PEX1: variants seen among roughly 807,000 people sequenced by gnomAD.
PEX1 encodes peroxisomal ATPase PEX1.
Under a neutral mutation model 152.5 loss-of-function variants are expected in PEX1, and 97 were observed. The observed-to-expected ratio is 0.64, with a 90% CI of 0.54 to 0.75. The LOEUF (loss-of-function observed/expected upper bound fraction) is 0.75. PEX1 is among the 30% of genes least tolerant of loss of function. The pLI, the probability that PEX1 is intolerant of heterozygous loss-of-function variation, is 0.00. For missense variants in PEX1, 1,357 were observed against 1,516.3 expected (o/e 0.89, Z 1.74); for synonymous variants, 485 against 531.6 (o/e 0.91, Z 1.21).
chr7:92,488,427 A>T (rs1231059139), intron 23 of PEX1, among the ~76,000 whole-genome samples: 1 of 152,208 alleles, frequency 6.6e-6, no homozygotes, highest in Non-Finnish European at 1.5e-5. Flanking sequence ...AAGACCAGGA[A>T]TAAACATCTC....
chr7:92,489,590 T>A, intron 22 of PEX1, 124 bp downstream of exon 22: 1 of 1,028,252 alleles, frequency 9.7e-7, no homozygotes, highest in Non-Finnish European at 1.5e-6. Flanking sequence ...CATGACTGAG[T>A]TAATGTGTTC....
Position 92,517,361 on chromosome 7 carries a change from T to G in PEX1, c.1154A>C (p.Gln385Pro). 6.2e-7 allele frequency: 1 copy of G among 1,613,862 alleles called. No homozygotes were observed. The highest frequency in any genetic ancestry group is 1.1e-5 in the South Asian group (1 of 91,068). The change falls in exon 5 of 24, where the codon CAA (glutamine) becomes CCA (proline). Residue 385 changes from glutamine to proline, a missense_variant. Coordinates refer to ENST00000248633, the MANE Select transcript of PEX1 (RefSeq NM_000466.3). ...NEEDEKACVL[Q>P]VVWNGLEELN... Reference sequence around the variant, plus strand: ...TTCTTCAAGTCCATTCCAGACTACTTGTAGCACACAGGCCTTCTCATCTTC... The same window carrying G: ...TTCTTCAAGTCCATTCCAGACTACTGGTAGCACACAGGCCTTCTCATCTTC...
rs1248002899 is a variant in PEX1 at position 92,528,429 on chromosome 7, C to T, written c.7G>A (p.Gly3Ser). The T allele has an allele frequency of 6.3e-7, 1 of 1,590,040 alleles. No individual in the cohort carries two copies. The highest frequency in any genetic ancestry group is 1.7e-5 in the Admixed American group (1 of 57,304). Residue 3 changes from glycine (G) to serine (S), a missense_variant, in exon 1 of 24, where the codon GGC (glycine) becomes AGC (serine). Transcript: ENST00000248633. ...CCAGCACCCGCCAGGCGATCGCTGC[C>T]CCACATCGTCCCGGAGCGTCGCTCT... MW[G>S]SDRLAGAGGG... is the part of the protein sequence containing the mutation.
intron 20 of PEX1, 136 bp from the exon 21 acceptor site, chr7:92,491,638 C>T: frequency 1.6e-6 from 1 of 641,826 alleles, no homozygotes; most frequent in Non-Finnish European, 2.7e-6. Context: ...CATTAATTCT[C>T]TAACGGTTTT....
chr7:92,528,411 C>G lies in PEX1; in HGVS notation c.25G>C (p.Gly9Arg). The G allele has an allele frequency of 6.3e-7, 1 of 1,596,332 alleles. No individual in the cohort carries two copies. Among genetic ancestry groups the G allele is most frequent in the Non-Finnish European group, 8.5e-7 (1 of 1,172,966 alleles). MWGSDRLA[G>R]AGGGGAAVTV... ...ACTGCCGCCCCGCCTCCCCCAGCAC[C>G]CGCCAGGCGATCGCTGCCCCACATC... The change falls in exon 1 of 24, where the codon GGT (glycine) becomes CGT (arginine). Residue 9 changes from glycine (G) to arginine (R), a missense_variant. By Grantham distance (125) the Gly-to-Arg change is moderately radical. Coordinates refer to ENST00000248633, the MANE Select transcript of PEX1 (RefSeq NM_000466.3).
intron 5 of PEX1, among the ~76,000 whole-genome samples, chr7:92,516,014 AAGAGAAGAGAAGAG>A (rs1562864625): frequency 2.1e-3 from 145 of 67,660 alleles, no homozygotes; most frequent in African/African-American, 6.6e-3. Flanking sequence ...AAGAAAAGAG[AAGAGAAGAGAAGAG>A]AAGAGAAGAG....
In PEX1 at chr7:92,507,072, C is replaced by T. The variant is rs150667796; in HGVS notation, c.1725G>A (p.Leu575=). Residue 575 remains leucine (L), a synonymous_variant, in exon 10 of 24, where the codon CTG becomes CTA. Coordinates refer to ENST00000248633, the MANE Select transcript of PEX1 (RefSeq NM_000466.3). Reference sequence around the variant, plus strand: ...TCAGCTGCCGAGACAAAGGGCGTCCCAGGAGGCTGTGAGTGATGTGCTCCA... The same window carrying T: ...TCAGCTGCCGAGACAAAGGGCGTCCTAGGAGGCTGTGAGTGATGTGCTCCA... ...SSLEHITHSL[L]GRPLSRQLMS... 1.7e-4 allele frequency: 281 copies of T among 1,613,914 alleles called. 2 individuals are homozygous for T. Among genetic ancestry groups the T allele is most frequent in the Middle Eastern group, 4.9e-4 (3 of 6,062 alleles).
rs78272391 is a variant in PEX1, at chr7:92,527,287, G to C, written c.129+1020C>G. Among the ~76,000 whole-genome samples the C allele has an allele frequency of 1.6e-3, 238 of 152,296 alleles. 7 individuals are homozygous for C. The East Asian group carries it at 0.04, about 26-fold the overall frequency. ...TTAAGTGCAGATTTGAAAACATGTTGAAAAATCCCATCGAAGCTGACAGAG... is the reference window on the plus strand; with the variant it reads ...TTAAGTGCAGATTTGAAAACATGTTCAAAAATCCCATCGAAGCTGACAGAG... On this transcript the variant is annotated intron_variant, in intron 1 of 23. Transcript: ENST00000248633.
chr7:92,528,239 T>A (rs958850227), intron 1 of PEX1, 68 bp downstream of exon 1: 12 of 1,537,584 alleles, frequency 7.8e-6, no homozygotes, highest in African/African-American at 1.4e-5. Flanking sequence ...TCCCGCCGCG[T>A]CCCTGAGAGG....
In PEX1 at chr7:92,489,178, TAGC is replaced by T; in HGVS notation, c.3767+112_3767+114del. ...TAGCTACGACACATATTTTTTGAATTAGCTTTTAAATATTCAAAATATTTTTAT... is the reference window on the plus strand; with the variant it reads ...TAGCTACGACACATATTTTTTGAATTTTTTAAATATTCAAAATATTTTTAT... On this transcript the variant is annotated intron_variant, in intron 23 of 23. Transcript: ENST00000248633. The T allele has an allele frequency of 5.1e-6, 5 of 976,246 alleles. No individual in the cohort carries two copies. In the Admixed American group the frequency reaches 6.2e-5, roughly 12 times the overall value. The allele number at this position is 976,246 out of a possible 1,614,324, so 60.5% of individuals were successfully genotyped here.
At chr7:92,501,749 G>T in intron 14 of PEX1, 76 bp from the exon 15 acceptor site, 1 of 1,395,116 alleles carries the variant, frequency 7.2e-7, no homozygotes, top group Non-Finnish European at 1.0e-6. Flanking sequence ...CATCATCTTA[G>T]CTGGAAACAC....
intron 20 of PEX1, among the ~76,000 whole-genome samples, chr7:92,492,066 G>C (rs925667684): frequency 6.6e-6 from 1 of 152,188 alleles, no homozygotes; most frequent in African/African-American, 2.4e-5. Flanking sequence ...AATATCTACT[G>C]TAAATATTAA....
Position 92,517,404 on chromosome 7 carries a change from T to C in PEX1, c.1111A>G (p.Arg371Gly), listed in dbSNP as rs769973410. 1.2e-5 allele frequency: 19 copies of C among 1,614,020 alleles called. No individual in the cohort carries two copies. The highest frequency in any genetic ancestry group is 1.6e-5 in the Non-Finnish European group (19 of 1,179,958). ...TCATCTTCTTCATTATGATCTGACCTAATTTTTTTTTGATCTAGTGGCTCT... is the reference window on the plus strand; with the variant it reads ...TCATCTTCTTCATTATGATCTGACCCAATTTTTTTTTGATCTAGTGGCTCT... ...MSEPLDQKKI[R>G]SDHNEEDEKA... The change falls in exon 5 of 24, where the codon AGG becomes GGG. Residue 371 changes from arginine to glycine, a missense_variant. Physicochemically the swap from Arg to Gly is moderately radical, Grantham distance 125. Transcript: ENST00000248633.
chr7:92,497,179 T>C (rs1791694965), intron 16 of PEX1, among the ~76,000 whole-genome samples: 1 of 152,202 alleles, frequency 6.6e-6, no homozygotes, highest in Non-Finnish European at 1.5e-5. Flanking sequence ...ATCTGCTTGT[T>C]GTCGCTTTCC....
chr7:92,515,077 A>C (rs1448039025), intron 5 of PEX1, among the ~76,000 whole-genome samples: 332 of 1,188 alleles, frequency 0.28, 4 homozygotes, highest in Non-Finnish European at 0.32. Context: ...CTATATATAT[A>C]TATATATATA....
At chr7:92,516,065 G>GAGAAGAGAAGAGAAGAGAAGAGAA (rs1562864924) in intron 5 of PEX1, among the ~76,000 whole-genome samples, 3 of 60,740 alleles carry the variant, frequency 4.9e-5, no homozygotes, top group East Asian at 7.3e-4. Flanking sequence ...AAAAAGAAAA[G>GAGAAGAGAAGAGAAGAGAAGAGAA]AAAAGAAAAG....
chr7:92,487,675 T>A, intron 23 of PEX1, 134 bp from the exon 24 acceptor site: 1 of 467,276 alleles, frequency 2.1e-6, no homozygotes, highest in Non-Finnish European at 3.8e-6. Flanking sequence ...AAAATTCCAG[T>A]CACAGAAATT....
chr7:92,488,289 GTTTCCTTATT>G (rs1791048183), intron 23 of PEX1, among the ~76,000 whole-genome samples: 1 of 152,088 alleles, frequency 6.6e-6, no homozygotes, highest in Non-Finnish European at 1.5e-5. Context: ...ACAGAAATTT[GTTTCCTTATT>G]TTTCCTTACC....
intron 11 of PEX1, among the ~76,000 whole-genome samples, chr7:92,505,778 C>T (rs1792160329): frequency 1.3e-5 from 2 of 152,110 alleles, no homozygotes; most frequent in African/African-American, 4.8e-5. Context: ...GTAAAATCTT[C>T]CCAATATTTT....
Sources: gnomAD v4.1 joint callset for allele counts (sites outside exome capture counted in the v4.1 genomes callset) on GRCh38, gnomAD v4.1.1 for gene constraint, MANE v1.5 for transcripts, NCBI Gene and HGNC (gene_info 2026-07-23, HGNC 2026-07-21) for gene names.